Variants in COLEC10 observed in about 807,000 individuals in gnomAD.
COLEC10 encodes the protein collectin subfamily member 10, also known as collectin-10.
COLEC10 carries 22 observed loss-of-function variants against 28.4 expected under a neutral mutation model. The observed-to-expected ratio is 0.78, with a 90% CI of 0.55 to 1.11. The LOEUF is 1.11. Ranked by LOEUF, COLEC10 falls within the 50% of genes least tolerant of loss-of-function variation. The pLI is 0.00. For synonymous variants in COLEC10, 125 were observed against 116.1 expected, an observed-to-expected ratio of 1.08 and a Z score of -0.49; for missense variants, 361 against 344.1, an observed-to-expected ratio of 1.05 and a Z score of -0.39.
At chr8:118,990,836 GT>G (rs1813494485), upstream of COLEC10, among the ~76,000 whole-genome samples, 1 of 151,906 alleles carries the variant, frequency 6.6e-6, no homozygotes, top group African/African-American at 2.4e-5. Flanking sequence ...CAAACTGAGA[GT>G]CCCAGAGCTA....
intron 1 of COLEC10, among the ~76,000 whole-genome samples, chr8:119,085,614 TTTTTTTTTG>T (rs1322162149): frequency 4.6e-5 from 5 of 107,746 alleles, no homozygotes; most frequent in African/African-American, 1.2e-4. Flanking sequence ...TTTTTTTTTT[TTTTTTTTTG>T]TTGTTGTTGT....
In COLEC10 at chr8:119,001,549, T is replaced by A. The variant is rs767353835; in HGVS notation, n.122+5976T>A. The stretch of plus-strand genomic sequence containing the variant: ...TTTGTGGCAGCAGTGATGTGGCAAC[T>A]ATAATAGGCTTATAAAAGTGCATGC... On this transcript the variant is annotated intron_variant and non_coding_transcript_variant, in intron 1 of 6. Coordinates refer to the COLEC10 transcript ENST00000521788. Among the ~76,000 whole-genome samples, 6 of 152,276 alleles carry A rather than the reference T, an allele frequency of 3.9e-5. No individual in the cohort carries two copies. The South Asian group carries it at 1.0e-3, about 26-fold the overall frequency.
chr8:119,092,592 A>C (rs1815629842), intron 3 of COLEC10, among the ~76,000 whole-genome samples: 1 of 152,186 alleles, frequency 6.6e-6, no homozygotes, highest in South Asian at 2.1e-4. Flanking sequence ...TAGACTATTC[A>C]GGAAGATAGA....
At chr8:119,046,839 A>G (rs1452919881) in intron 2 of COLEC10, among the ~76,000 whole-genome samples, 1 of 152,232 alleles carries the variant, frequency 6.6e-6, no homozygotes, top group Non-Finnish European at 1.5e-5. Context: ...CTATTTAGGA[A>G]TCAAATTTTA....
intron 2 of COLEC10, among the ~76,000 whole-genome samples, chr8:119,024,298 A>T (rs1255847308): frequency 1.8e-4 from 28 of 152,158 alleles, no homozygotes; most frequent in Non-Finnish European, 4.4e-5. Flanking sequence ...GGATTGTGAA[A>T]AGTGGAAGTG....
At chr8:119,014,960 T>A (rs1293190233) in intron 2 of COLEC10, among the ~76,000 whole-genome samples, 1 of 151,172 alleles carries the variant, frequency 6.6e-6, no homozygotes, top group African/African-American at 2.5e-5. Flanking sequence ...GTTGCACAAC[T>A]CTTCCTGTAT....
At chr8:119,046,443 G>A (rs926451932) in intron 2 of COLEC10, among the ~76,000 whole-genome samples, 5 of 152,044 alleles carry the variant, frequency 3.3e-5, no homozygotes. Context: ...ATGGACTCTT[G>A]CAGTAAGACT....
At chr8:119,058,792 T>C (rs1421092095) in intron 2 of COLEC10, among the ~76,000 whole-genome samples, 1 of 152,092 alleles carries the variant, frequency 6.6e-6, no homozygotes, top group Non-Finnish European at 1.5e-5. Flanking sequence ...GGAATTTAAT[T>C]GCTGGATTAT....
At chr8:119,012,998 A>G (rs1378489544) in intron 2 of COLEC10, among the ~76,000 whole-genome samples, 1 of 148,410 alleles carries the variant, frequency 6.7e-6, no homozygotes, top group South Asian at 2.1e-4. Context: ...TGTTAACTCT[A>G]GATTTATTTT....
At chr8:118,970,660 T>C in the COLEC10 span, among the ~76,000 whole-genome samples, 2 of 152,040 alleles carry the variant, frequency 1.3e-5, no homozygotes, top group South Asian at 4.1e-4. Context: ...ACTAAGTACA[T>C]GCTTTTGCTT....
intron 3 of COLEC10, among the ~76,000 whole-genome samples, 160 bp downstream of exon 3, chr8:119,091,380 T>A (rs1815590389): frequency 1.1e-5 from 1 of 88,376 alleles, no homozygotes; most frequent in Non-Finnish European, 2.2e-5. Context: ...AGACCCAATC[T>A]CTACCAAAAA....
At chr8:119,069,303 T>C (rs950048082) in intron 1 of COLEC10, among the ~76,000 whole-genome samples, 1 of 151,924 alleles carries the variant, frequency 6.6e-6, no homozygotes, top group Non-Finnish European at 1.5e-5. Flanking sequence ...ATACCTTCTC[T>C]TAAGATATGA....
intron 2 of COLEC10, among the ~76,000 whole-genome samples, chr8:119,021,806 T>C (rs929419690): frequency 6.6e-6 from 1 of 152,180 alleles, no homozygotes; most frequent in Non-Finnish European, 1.5e-5. Context: ...CTGTCATTTA[T>C]CAGTGGTATG....
chr8:118,981,860 T>G, the COLEC10 span, among the ~76,000 whole-genome samples: 2 of 152,078 alleles, frequency 1.3e-5, no homozygotes, highest in African/African-American at 4.8e-5. Context: ...CTCTGGTGAG[T>G]TGCGAAGGAT....
the COLEC10 span, among the ~76,000 whole-genome samples, chr8:118,952,732 C>T: frequency 0.01 from 1,572 of 152,306 alleles, 27 homozygotes; most frequent in African/African-American, 0.036. Flanking sequence ...GCTTCCTACG[C>T]GCTGAACTTC....
chr8:119,060,217 G>A (rs1051817057), intron 2 of COLEC10, among the ~76,000 whole-genome samples: 4 of 152,030 alleles, frequency 2.6e-5, no homozygotes, highest in Non-Finnish European at 5.9e-5. Context: ...AATAAGAGGA[G>A]CAACCAAAAA....
At chr8:119,064,278 T>G (rs1365284353), upstream of COLEC10, among the ~76,000 whole-genome samples, 2 of 152,060 alleles carry the variant, frequency 1.3e-5, no homozygotes, top group African/African-American at 4.8e-5. Flanking sequence ...AGGAATGTAT[T>G]TATATGCTTT....
chr8:119,098,283 A>G (rs1220172390), intron 3 of COLEC10, among the ~76,000 whole-genome samples: 1 of 152,096 alleles, frequency 6.6e-6, no homozygotes, highest in Non-Finnish European at 1.5e-5. Flanking sequence ...GACGAAGACA[A>G]GAAAGGCTCA....
chr8:119,102,228 CTCCCTCCCTCCCTCCTTCCT>C, intron 3 of COLEC10, 100 bp from the exon 4 acceptor site: 1 of 291,620 alleles, frequency 3.4e-6, no homozygotes, highest in Non-Finnish European at 6.5e-6. Context: ...CCCTCCCTCC[CTCCCTCCCTCCCTCCTTCCT>C]TCTTTTCCTT....
Sources: gnomAD v4.1 joint callset for allele counts (sites outside exome capture counted in the v4.1 genomes callset) on GRCh38, gnomAD v4.1.1 for gene constraint, MANE v1.5 for transcripts, NCBI Gene and HGNC (gene_info 2026-07-23, HGNC 2026-07-21) for gene names.